GPHN: variants seen among roughly 807,000 people sequenced by gnomAD.
The protein encoded by GPHN is gephyrin.
Under a neutral mutation model 95.5 loss-of-function variants are expected in GPHN, and 17 were observed. The observed-to-expected ratio is 0.18, with a 90% CI of 0.12 to 0.27. The LOEUF is 0.27. GPHN is among the 10% of genes least tolerant of loss of function. The pLI is 1.00. For synonymous variants in GPHN, 320 were observed against 322.5 expected, an observed-to-expected ratio of 0.99 and a Z score of 0.08; for missense variants, 660 against 978.1, an observed-to-expected ratio of 0.67 and a Z score of 4.34.
At chr14:67,376,751 GT>G in the GPHN span, among the ~76,000 whole-genome samples, 7 of 152,170 alleles carry the variant, frequency 4.6e-5, no homozygotes, top group Non-Finnish European at 8.8e-5. Flanking sequence ...AGTCTGTGTA[GT>G]TTTATGTATC....
chr14:66,647,708 T>A (rs1247234174), intron 1 of GPHN, among the ~76,000 whole-genome samples: 1 of 152,102 alleles, frequency 6.6e-6, no homozygotes, highest in Non-Finnish European at 1.5e-5. Flanking sequence ...TCTCATAATA[T>A]TATATTGTAC....
intron 11 of GPHN, among the ~76,000 whole-genome samples, chr14:67,064,895 A>G (rs1312341956): frequency 6.6e-6 from 1 of 152,046 alleles, no homozygotes; most frequent in Admixed American, 6.5e-5. Context: ...TCCTGGATTC[A>G]TTGATTTTTT....
chr14:66,921,300 A>G (rs920611701), intron 6 of GPHN, among the ~76,000 whole-genome samples: 1 of 152,264 alleles, frequency 6.6e-6, no homozygotes, highest in Admixed American at 6.5e-5. Flanking sequence ...TTGCAGGAGT[A>G]AGGTGGTATT....
At chr14:66,589,536 A>AT (rs927850247) in intron 1 of GPHN, among the ~76,000 whole-genome samples, 5 of 151,898 alleles carry the variant, frequency 3.3e-5, no homozygotes, top group African/African-American at 1.2e-4. Context: ...ACCAACAAAG[A>AT]TAAAAAAAAA....
At chr14:66,558,970 G>A (rs1466581352) in intron 1 of GPHN, among the ~76,000 whole-genome samples, 2 of 145,550 alleles carry the variant, frequency 1.4e-5, no homozygotes, top group Non-Finnish European at 3.0e-5. Flanking sequence ...TCCCACCTAT[G>A]AGTGAGAATA....
the GPHN span, among the ~76,000 whole-genome samples, chr14:67,446,281 C>T: frequency 6.6e-6 from 1 of 152,200 alleles, no homozygotes; most frequent in Non-Finnish European, 1.5e-5. Flanking sequence ...AGCAGAATTC[C>T]ATGGCTCTAA....
At chr14:66,959,311 A>C (rs760187145) in intron 8 of GPHN, among the ~76,000 whole-genome samples, 17 of 152,054 alleles carry the variant, frequency 1.1e-4, no homozygotes, top group Non-Finnish European at 2.2e-4. Context: ...GAGGATTCAC[A>C]AACAAAAATA....
chr14:66,789,312 A>G (rs1015091430), intron 3 of GPHN, among the ~76,000 whole-genome samples: 1 of 152,146 alleles, frequency 6.6e-6, no homozygotes, highest in African/African-American at 2.4e-5. Context: ...CTTTCCTTAC[A>G]CTTTGCATGT....
intron 1 of GPHN, among the ~76,000 whole-genome samples, chr14:66,585,126 T>C (rs1341825247): frequency 1.3e-5 from 2 of 148,212 alleles, no homozygotes; most frequent in South Asian, 2.1e-4. Flanking sequence ...GGAGGGTGTA[T>C]GTGTCCAGGA....
At chr14:67,402,934 C>G in the GPHN span, among the ~76,000 whole-genome samples, 1 of 152,148 alleles carries the variant, frequency 6.6e-6, no homozygotes, top group African/African-American at 2.4e-5. Context: ...TGGGTATATA[C>G]CCAGCAGTGG....
chr14:67,038,341 A>G (rs2074531837), intron 10 of GPHN, among the ~76,000 whole-genome samples: 1 of 152,092 alleles, frequency 6.6e-6, no homozygotes, highest in African/African-American at 2.4e-5. Context: ...AGCTTCATTC[A>G]CACAAAATGA....
intron 9 of GPHN, among the ~76,000 whole-genome samples, chr14:67,015,073 A>G (rs1343255793): frequency 6.6e-6 from 1 of 152,226 alleles, no homozygotes; most frequent in Non-Finnish European, 1.5e-5. Context: ...TCTACATATT[A>G]TAGTATTTTC....
At chr14:67,468,043 G>A in the GPHN span, among the ~76,000 whole-genome samples, 3 of 152,024 alleles carry the variant, frequency 2.0e-5, no homozygotes, top group South Asian at 4.2e-4. Context: ...GTGCGATCTC[G>A]GCTCACTGCA....
At chr14:66,737,113 T>C (rs2153437270) in intron 2 of GPHN, among the ~76,000 whole-genome samples, 1 of 152,340 alleles carries the variant, frequency 6.6e-6, no homozygotes, top group South Asian at 2.1e-4. Flanking sequence ...ATATTAATGT[T>C]TTCTAATAAT....
chr14:67,687,064 G>T, the GPHN span, among the ~76,000 whole-genome samples: 6 of 152,242 alleles, frequency 3.9e-5, no homozygotes, highest in Admixed American at 3.9e-4. Context: ...AGGCAAAAGG[G>T]TTCTGATGAA....
intron 10 of GPHN, among the ~76,000 whole-genome samples, chr14:67,047,890 G>A (rs1442303880): frequency 6.6e-6 from 1 of 152,182 alleles, no homozygotes; most frequent in Non-Finnish European, 1.5e-5. Flanking sequence ...GAGCCAGCAG[G>A]TCAAAGTTGC....
intron 5 of GPHN, among the ~76,000 whole-genome samples, chr14:66,915,659 T>G (rs1046397741): frequency 3.3e-5 from 5 of 152,194 alleles, no homozygotes; most frequent in African/African-American, 1.2e-4. Flanking sequence ...TCACTAGGCA[T>G]TTTTAATGCA....
At chr14:67,248,793 C>T in the GPHN span, among the ~76,000 whole-genome samples, 8 of 152,114 alleles carry the variant, frequency 5.3e-5, no homozygotes, top group African/African-American at 1.9e-4. Context: ...CCTGATTTGA[C>T]CTCTGGACTT....
At chr14:67,557,400 G>A in the GPHN span, 4 of 1,613,480 alleles carry the variant, frequency 2.5e-6, no homozygotes, top group Non-Finnish European at 3.4e-6. Context: ...GCCAGCTAGA[G>A]GCTCAGCTGG....
Sources: allele counts gnomAD v4.1 joint callset (sites outside exome capture counted in the v4.1 genomes callset), GRCh38; gene constraint gnomAD v4.1.1; transcripts MANE v1.5; gene names NCBI Gene and HGNC (gene_info 2026-07-23, HGNC 2026-07-21).